The following PIEZO1 variants were observed in gnomAD, a reference collection of about 807,000 sequenced individuals.
PIEZO1 encodes the protein piezo type mechanosensitive ion channel component 1 (Er blood group).
Under a neutral mutation model 297.2 loss-of-function variants are expected in PIEZO1, and 296 were observed. The observed-to-expected ratio is 1.00, with a 90% CI of 0.91 to 1.10. PIEZO1 has a LOEUF of 1.10. Ranked by LOEUF, PIEZO1 falls within the 50% of genes least tolerant of loss-of-function variation. PIEZO1 has a pLI of 0.00. For synonymous variants in PIEZO1, 2,427 were observed against 1,507.5 expected, an observed-to-expected ratio of 1.61 and a Z score of -14.13; for missense variants, 5,018 against 3,455.5, an observed-to-expected ratio of 1.45 and a Z score of -11.34.
Position 88,764,352 on chromosome 16 carries a change from G to C in PIEZO1, c.65-14873C>G, listed in dbSNP as rs569261050. 7.2e-5 allele frequency among the ~76,000 whole-genome samples: 11 copies of C among 152,282 alleles called. No homozygotes were observed. The East Asian group carries it at 2.1e-3, about 29-fold the overall frequency. ...CACACCACCAGCGTCGCTGGATCCT[G>C]AGCAGGTAGATTCTTAGGCTGAGGT... is the stretch of plus-strand genomic sequence containing the variant. On this transcript the variant is annotated intron_variant, in intron 1 of 50. Transcript: ENST00000301015.
Position 88,715,682 on chromosome 16 carries a change from C to T in PIEZO1, c.7489G>A (p.Glu2497Lys). 1.9e-6 allele frequency: 3 copies of T among 1,550,180 alleles called. No homozygotes were observed. The highest frequency in any genetic ancestry group is 1.7e-6 in the Non-Finnish European group (2 of 1,146,758). ...VRETRELELE[E>K]ELYAKLIFLY... ...AAGATGAGCTTGGCGTACAACTCCT[C>T]CTCCAGCTCCAGCTCCCGAGTCTCC... The change falls in exon 51 of 51, where the codon GAG (glutamate) becomes AAG (lysine). Residue 2497 changes from glutamate to lysine, a missense_variant. Physicochemically the swap from Glu to Lys is moderately conservative, Grantham distance 56. Coordinates refer to ENST00000301015, the MANE Select transcript of PIEZO1 (RefSeq NM_001142864.4).
Position 88,726,891 on chromosome 16 carries a change from A to ACACCAC in PIEZO1, c.3517_3522dup (p.Val1173_Val1174dup). ...CTGATGCGGGTGGCCCCCGTGACAAACACCACCACCAGCACCAGCCAGAAC... is the reference window on the plus strand; with the variant it reads ...CTGATGCGGGTGGCCCCCGTGACAAACACCACCACCACCACCAGCACCAGCCAGAAC... On this transcript the variant is annotated inframe_insertion, in exon 25 of 51. Transcript: ENST00000301015. 6.5e-7 allele frequency: 1 copy of ACACCAC among 1,550,382 alleles called. No homozygotes were observed. The highest frequency in any genetic ancestry group is 8.7e-7 in the Non-Finnish European group (1 of 1,146,916).
chr16:88,724,555 A>C (rs1431076538), intron 30 of PIEZO1, among the ~76,000 whole-genome samples: 1 of 145,076 alleles, frequency 6.9e-6, no homozygotes, highest in Non-Finnish European at 1.5e-5. Context: ...AAAGGCCTGG[A>C]GTGGGGCACA....
In PIEZO1 at chr16:88,717,005, G is replaced by A. The variant is rs767926734; in HGVS notation, c.6660+18C>T. The A allele has an allele frequency of 7.9e-5, 122 of 1,549,578 alleles. No individual in the cohort carries two copies. Among genetic ancestry groups the A allele is most frequent in the African/African-American group, 1.2e-4 (9 of 73,040 alleles). On this transcript the variant is annotated intron_variant, in intron 45 of 50. Coordinates refer to ENST00000301015, the MANE Select transcript of PIEZO1 (RefSeq NM_001142864.4). Reference sequence around the variant, plus strand: ...CCCCAGGGGATGGGAATGGACAGGCGGACCCACACATGCTCACCTCATAGC... The same window carrying A: ...CCCCAGGGGATGGGAATGGACAGGCAGACCCACACATGCTCACCTCATAGC...
intron 5 of PIEZO1, chr16:88,740,871 G>A (rs150528660): frequency 2.6e-5 from 4 of 152,314 alleles, no homozygotes; most frequent in Admixed American, 1.3e-4. Context: ...AGGCAGGGAC[G>A]AGAGGGTCTG....
chr16:88,721,734 G>A lies in PIEZO1; in HGVS notation c.5215-8C>T. 6.5e-7 allele frequency: 1 copy of A among 1,538,040 alleles called. No homozygotes were observed. Among genetic ancestry groups the A allele is most frequent in the Non-Finnish European group, 8.8e-7 (1 of 1,141,094 alleles). On this transcript the variant is annotated splice_polypyrimidine_tract_variant and splice_region_variant and intron_variant, in intron 37 of 50. Coordinates refer to ENST00000301015, the MANE Select transcript of PIEZO1 (RefSeq NM_001142864.4). Reference sequence around the variant, plus strand: ...CTTGACGACCACCGCGATCTGTGGGGGAGGGGGCTCAGCACGCGGGGAGGG... The same window carrying A: ...CTTGACGACCACCGCGATCTGTGGGAGAGGGGGCTCAGCACGCGGGGAGGG...
rs145971968 is a variant in PIEZO1, at chr16:88,718,968, C to T, written c.6471+606G>A. On this transcript the variant is annotated intron_variant, in intron 44 of 50. Transcript: ENST00000301015. ...CAACTGATCCTCCTCCTTTGGCCTCCCAAAGTGCTGGGACCATAGGCATGA... is the reference window on the plus strand; with the variant it reads ...CAACTGATCCTCCTCCTTTGGCCTCTCAAAGTGCTGGGACCATAGGCATGA... The T allele has an allele frequency of 1.2e-3, 193 of 154,756 alleles. 1 individual carries two copies. The highest frequency in any genetic ancestry group is 4.3e-3 in the African/African-American group (181 of 41,630). The allele number at this position is 154,756 out of a possible 1,614,324, so 9.6% of individuals were successfully genotyped here.
At chr16:88,750,545 G>T (rs932109357) in intron 1 of PIEZO1, among the ~76,000 whole-genome samples, 1 of 152,218 alleles carries the variant, frequency 6.6e-6, no homozygotes, top group Non-Finnish European at 1.5e-5. Context: ...CCCTCATCCT[G>T]AGAGTCCGGC....
chr16:88,732,262 C>T, intron 21 of PIEZO1, 73 bp downstream of exon 21: 2 of 1,351,248 alleles, frequency 1.5e-6, no homozygotes, highest in Non-Finnish European at 2.1e-6. Context: ...CTTGCGGTGC[C>T]TGCACGGTGC....
rs1597457654 is a variant in PIEZO1 at position 88,734,204 on chromosome 16, C to T, written c.2181-150G>A. On this transcript the variant is annotated intron_variant, in intron 16 of 50. Transcript: ENST00000301015. ...CAACTCATGCCCACTGTCCCTGTGACCTCCACGCTACTGCCATCCCCTTGG... is the reference window on the plus strand; with the variant it reads ...CAACTCATGCCCACTGTCCCTGTGATCTCCACGCTACTGCCATCCCCTTGG... 8.5e-6 allele frequency: 10 copies of T among 1,181,878 alleles called. No homozygotes were observed. The East Asian group carries it at 1.3e-4, about 15-fold the overall frequency. The allele number at this position is 1,181,878 out of a possible 1,614,324, so 73.2% of individuals were successfully genotyped here. A position where few individuals can be genotyped will look rare whatever the true frequency, so the allele number is the denominator to read the frequency against.
chr16:88,726,948 C>G lies in PIEZO1; in HGVS notation c.3466G>C (p.Asp1156His), dbSNP rs1020474759. The change falls in exon 25 of 51, where the codon GAC becomes CAC. Residue 1156 changes from aspartate to histidine, a missense_variant. Transcript: ENST00000301015. ...CGGAAGACGGCCACCTTCAGCATGT[C>G]AAGGTAGGACCTGCCAGGCCGGAGC... The part of the protein sequence containing the change: ...PNFIHCRSYL[D>H]MLKVAVFRYL... The G allele has an allele frequency of 8.4e-6, 13 of 1,550,302 alleles. No individual in the cohort carries two copies. Among genetic ancestry groups the G allele is most frequent in the African/African-American group, 1.4e-5 (1 of 73,040 alleles).
At chr16:88,731,591 G>GAGGCCA in intron 22 of PIEZO1, 115 bp downstream of exon 22, 1 of 739,352 alleles carries the variant, frequency 1.4e-6, no homozygotes, top group Admixed American at 2.4e-5. Context: ...GGGACTGGAG[G>GAGGCCA]AGGCCAAGGC....
At position 88,735,793 on chromosome 16, in the gene PIEZO1, C is replaced by T. The variant is rs189802239; in HGVS notation, c.1557+355G>A. Among the ~76,000 whole-genome samples the T allele has an allele frequency of 2.3e-3, 345 of 152,322 alleles. 1 individual carries two copies. The highest frequency in any genetic ancestry group is 3.3e-3 in the Non-Finnish European group (223 of 68,036). The stretch of plus-strand genomic sequence containing the variant: ...GCATGGTGCCAATGGGCAGAGCCCA[C>T]GCTCACACACACTGTCAGGGGCGCA... On this transcript the variant is annotated intron_variant, in intron 12 of 50. Transcript: ENST00000301015.
Position 88,731,914 on chromosome 16 carries a change from G to T in PIEZO1, c.2992-4C>A. 3 of 754,854 alleles carry T rather than the reference G, an allele frequency of 4.0e-6. No homozygotes were observed. The highest frequency in any genetic ancestry group is 3.1e-5 in the South Asian group (1 of 31,950). 46.8% of individuals were successfully genotyped at this position (754,854 alleles called of 1,614,324 possible). ...TCACGGCCATCAGGAAGCAGATCTGGGGAGGGGAGAGGGCGGGGTGTGGGG... is the reference window on the plus strand; with the variant it reads ...TCACGGCCATCAGGAAGCAGATCTGTGGAGGGGAGAGGGCGGGGTGTGGGG... On this transcript the variant is annotated splice_polypyrimidine_tract_variant and splice_region_variant and intron_variant, in intron 21 of 50. Coordinates refer to ENST00000301015, the MANE Select transcript of PIEZO1 (RefSeq NM_001142864.4).
chr16:88,716,264 G>C lies in PIEZO1; in HGVS notation c.7063C>G (p.Leu2355Val), dbSNP rs1396650006. Residue 2355 changes from leucine to valine, a missense_variant, in exon 49 of 51, where the codon CTC becomes GTC. Physicochemically the swap from Leu to Val is conservative, Grantham distance 32. Transcript: ENST00000301015. ...GGGGCACGGATGTACTTGGGGAAGA[G>C]ATTAGGGATGACCCTGCAGGGAGGT... ...TSDQSVVIPN[L>V]FPKYIRAPNG... 4 of 1,492,102 alleles carry C rather than the reference G, an allele frequency of 2.7e-6. No homozygotes were observed. Among genetic ancestry groups the C allele is most frequent in the South Asian group, 1.3e-5 (1 of 74,444 alleles). 92.4% of individuals were successfully genotyped at this position (1,492,102 alleles called of 1,614,324 possible).
chr16:88,731,859 C>T lies in PIEZO1; in HGVS notation c.3043G>A (p.Val1015Met). ...NVIGQRMNFL[V>M]TLHGCWLVAI... is the part of the protein sequence containing the mutation. ...ACCAGCCAGCAACCGTGCAGGGTCA[C>T]CAGAAAGTTCATGCGCTGCCCGATC... Residue 1015 changes from valine to methionine, a missense_variant, in exon 22 of 51, where the codon GTG (valine) becomes ATG (methionine). Physicochemically the swap from Val to Met is conservative, Grantham distance 21 (BLOSUM62 1). Transcript: ENST00000301015. 9.4e-7 allele frequency: 1 copy of T among 1,067,888 alleles called. No homozygotes were observed. Among genetic ancestry groups the T allele is most frequent in the Non-Finnish European group, 1.2e-6 (1 of 864,402 alleles). The allele number at this position is 1,067,888 out of a possible 1,614,324, so 66.2% of individuals were successfully genotyped here.
At chr16:88,757,390 T>C (rs1399255639) in intron 1 of PIEZO1, among the ~76,000 whole-genome samples, 1 of 147,288 alleles carries the variant, frequency 6.8e-6, no homozygotes, top group African/African-American at 2.5e-5. Flanking sequence ...TGACAGTGCC[T>C]GAGAGTGTGT....
intron 22 of PIEZO1, among the ~76,000 whole-genome samples, chr16:88,728,988 T>C (rs1904638159): frequency 2.4e-5 from 1 of 42,100 alleles, no homozygotes; most frequent in Non-Finnish European, 4.7e-5. Flanking sequence ...AAAAACAAAG[T>C]GACCCTCGAT....
At position 88,719,881 on chromosome 16, in the gene PIEZO1, G is replaced by C; in HGVS notation, c.6244C>G (p.Arg2082Gly). 6.4e-7 allele frequency: 1 copy of C among 1,550,532 alleles called. No individual in the cohort carries two copies. The highest frequency in any genetic ancestry group is 8.7e-7 in the Non-Finnish European group (1 of 1,146,928). Residue 2082 changes from arginine (R) to glycine (G), a missense_variant, in exon 43 of 51, where the codon CGC becomes GGC. Coordinates refer to ENST00000301015, the MANE Select transcript of PIEZO1 (RefSeq NM_001142864.4). Reference sequence around the variant, plus strand: ...AGGATGCGGGTGGGGTAGCCGCAGCGGATCTGGTAGGCGGACAGGGCGAAG... The same window carrying C: ...AGGATGCGGGTGGGGTAGCCGCAGCCGATCTGGTAGGCGGACAGGGCGAAG... ...IYFALSAYQI[R>G]CGYPTRILGN... is the part of the protein sequence containing the mutation.
Sources: gnomAD v4.1 joint callset for allele counts (sites outside exome capture counted in the v4.1 genomes callset) on GRCh38, gnomAD v4.1.1 for gene constraint, MANE v1.5 for transcripts, NCBI Gene and HGNC (gene_info 2026-07-23, HGNC 2026-07-21) for gene names.